The following REC114 variants were observed in gnomAD, a reference collection of about 807,000 sequenced individuals.
REC114 encodes REC114 meiotic recombination protein.
Under a neutral mutation model 31.3 loss-of-function variants are expected in REC114, and 27 were observed. The ratio of observed to expected loss-of-function variants is 0.86; its 90% CI spans 0.64 to 1.19. The LOEUF (loss-of-function observed/expected upper bound fraction) is 1.19, where lower values mean the gene tolerates loss of function less well. Among genes scored for constraint, REC114 ranks in the 50% most tolerant of loss-of-function variants. REC114 has a pLI of 0.00. For synonymous variants in REC114, 134 were observed against 127.7 expected, an observed-to-expected ratio of 1.05 and a Z score of -0.33; for missense variants, 344 against 326.9, an observed-to-expected ratio of 1.05 and a Z score of -0.40.
intron 3 of REC114, among the ~76,000 whole-genome samples, chr15:73,546,598 C>A (rs545236757): frequency 1.1e-4 from 16 of 151,922 alleles, no homozygotes; most frequent in African/African-American, 2.9e-4. Flanking sequence ...TATACACACA[C>A]AATATATATA....
intron 2 of REC114, among the ~76,000 whole-genome samples, chr15:73,513,429 CCTT>C (rs1439509425): frequency 7.0e-4 from 104 of 148,540 alleles, no homozygotes; most frequent in African/African-American, 2.0e-3. Context: ...TCGTCTGAAG[CCTT>C]CTTCTCTCAG....
Position 73,551,032 on chromosome 15 carries a change from A to G in REC114, c.428A>G (p.Tyr143Cys). 1 of 1,613,902 alleles carries G rather than the reference A, an allele frequency of 6.2e-7. No homozygotes were observed. Among genetic ancestry groups the G allele is most frequent in the Non-Finnish European group, 8.5e-7 (1 of 1,179,848 alleles). ...CCSCVQKLAQ[Y>C]ITVQVPDGNI... Reference sequence around the variant, plus strand: ...AGTTGTGTTCAGAAGCTGGCACAATACATAACCGTGCAGGTGCCTGATGGA... The same window carrying G: ...AGTTGTGTTCAGAAGCTGGCACAATGCATAACCGTGCAGGTGCCTGATGGA... Residue 143 changes from tyrosine (Y) to cysteine (C), a missense_variant, in exon 4 of 6, where the codon TAC becomes TGC. Physicochemically the swap from Tyr to Cys is radical, Grantham distance 194. Transcript: ENST00000331090.
rs531401146 is a variant in REC114 at position 73,449,005 on chromosome 15, A to C, written c.159+5661A>C. Among the ~76,000 whole-genome samples the C allele has an allele frequency of 2.6e-5, 4 of 152,346 alleles. No homozygotes were observed. In the East Asian group the frequency reaches 7.7e-4, roughly 29 times the overall value. On this transcript the variant is annotated intron_variant, in intron 1 of 5. Transcript: ENST00000331090. ...CCCACCCAAAGGTCACCAACATCAAAGACCGAAGATAGATAAATCCACGAA... is the reference window on the plus strand; with the variant it reads ...CCCACCCAAAGGTCACCAACATCAACGACCGAAGATAGATAAATCCACGAA...
chr15:73,540,641 C>G, intron 3 of REC114, 73 bp downstream of exon 3: 1 of 1,282,802 alleles, frequency 7.8e-7, no homozygotes, highest in South Asian at 1.2e-5. Flanking sequence ...TTGGGGGCAT[C>G]TCTTGGTAGG....
intron 1 of REC114, among the ~76,000 whole-genome samples, chr15:73,468,306 T>C (rs1893088558): frequency 6.6e-6 from 1 of 152,190 alleles, no homozygotes. Context: ...GGTCTTCTTT[T>C]GTCATATTTA....
intron 2 of REC114, among the ~76,000 whole-genome samples, chr15:73,520,471 C>T (rs1384500407): frequency 6.6e-6 from 1 of 152,152 alleles, no homozygotes; most frequent in South Asian, 2.1e-4. Flanking sequence ...CCTTGTGATC[C>T]ACCCACCTTG....
chr15:73,526,286 A>G (rs1477601592), intron 2 of REC114, among the ~76,000 whole-genome samples: 1 of 152,144 alleles, frequency 6.6e-6, no homozygotes, highest in Non-Finnish European at 1.5e-5. Flanking sequence ...ACCTCTTTTC[A>G]GGGTTTAGAC....
At chr15:73,493,303 G>A (rs989804463) in intron 2 of REC114, among the ~76,000 whole-genome samples, 1 of 152,026 alleles carries the variant, frequency 6.6e-6, no homozygotes, top group African/African-American at 2.4e-5. Flanking sequence ...ATCTCTGACT[G>A]TTGCTTATTA....
chr15:73,489,433 T>C (rs943573886), intron 2 of REC114, among the ~76,000 whole-genome samples: 1 of 151,926 alleles, frequency 6.6e-6, no homozygotes, highest in Non-Finnish European at 1.5e-5. Flanking sequence ...CTTGAACTCC[T>C]GACCTCAAGT....
At chr15:73,467,972 A>G (rs1218460758) in intron 1 of REC114, among the ~76,000 whole-genome samples, 2 of 151,974 alleles carry the variant, frequency 1.3e-5, no homozygotes, top group African/African-American at 4.8e-5. Flanking sequence ...TCCATCCTCA[A>G]TGCCAGCAAT....
At chr15:73,479,089 C>T (rs968753948) in intron 2 of REC114, among the ~76,000 whole-genome samples, 1 of 152,020 alleles carries the variant, frequency 6.6e-6, no homozygotes, top group African/African-American at 2.4e-5. Flanking sequence ...ATGTCCTTTT[C>T]AATGTTGAAT....
At chr15:73,459,056 T>C (rs940377663) in intron 1 of REC114, among the ~76,000 whole-genome samples, 4 of 152,304 alleles carry the variant, frequency 2.6e-5, no homozygotes, top group African/African-American at 7.2e-5. Flanking sequence ...TGTTAATACC[T>C]AGAACACTGC....
intron 1 of REC114, among the ~76,000 whole-genome samples, chr15:73,449,903 T>C (rs1595858231): frequency 6.6e-6 from 1 of 152,104 alleles, no homozygotes; most frequent in Non-Finnish European, 1.5e-5. Context: ...AAACTAAGCT[T>C]CATAAGCAAA....
At chr15:73,542,934 T>C (rs1894259110) in intron 3 of REC114, among the ~76,000 whole-genome samples, 1 of 147,716 alleles carries the variant, frequency 6.8e-6, no homozygotes, top group South Asian at 2.2e-4. Context: ...ATAGAAGTCC[T>C]AGAAGTATAC....
At chr15:73,496,033 CTT>C (rs1893517730) in intron 2 of REC114, among the ~76,000 whole-genome samples, 1 of 151,898 alleles carries the variant, frequency 6.6e-6, no homozygotes, top group Non-Finnish European at 1.5e-5. Context: ...TTTATTTAAA[CTT>C]TTTATTTAGA....
rs1892723819 is a variant in REC114 at position 73,443,356 on chromosome 15, A to G, written c.159+12A>G. ...GCCCCACATGGAAGGTGAGGCCCGAAGGCAGGAATATCCCTGAGGTGCCCA... is the reference window on the plus strand; with the variant it reads ...GCCCCACATGGAAGGTGAGGCCCGAGGGCAGGAATATCCCTGAGGTGCCCA... On this transcript the variant is annotated intron_variant, in intron 1 of 5. Transcript: ENST00000331090. 1 of 1,559,506 alleles carries G rather than the reference A, an allele frequency of 6.4e-7. No homozygotes were observed. The highest frequency in any genetic ancestry group is 1.4e-5 in the African/African-American group (1 of 73,562).
In REC114 at chr15:73,540,694, T is replaced by A. The variant is rs1566948240; in HGVS notation, c.333+126T>A. ...AATACAAATGTTTAAGAAAGGTTTG[T>A]ACTATGAGAAAAACATGAAACAAGG... On this transcript the variant is annotated intron_variant, in intron 3 of 5. Coordinates refer to ENST00000331090, the MANE Select transcript of REC114 (RefSeq NM_001042367.2). 5 of 819,228 alleles carry A rather than the reference T, an allele frequency of 6.1e-6. No individual in the cohort carries two copies. The East Asian group carries it at 1.2e-4, about 20-fold the overall frequency. 50.7% of individuals were successfully genotyped at this position (819,228 alleles called of 1,614,324 possible). A position where few individuals can be genotyped will look rare whatever the true frequency, so the allele number is the denominator to read the frequency against.
chr15:73,541,079 T>C (rs747719562), intron 3 of REC114, among the ~76,000 whole-genome samples: 42 of 152,318 alleles, frequency 2.8e-4, no homozygotes, highest in Non-Finnish European at 4.4e-4. Flanking sequence ...TTAACATTCA[T>C]GGAGTAGATA....
intron 2 of REC114, among the ~76,000 whole-genome samples, chr15:73,501,697 A>G (rs1893606251): frequency 6.6e-6 from 1 of 152,112 alleles, no homozygotes; most frequent in South Asian, 2.1e-4. Context: ...CACTCACCTC[A>G]GTCTCCCAAA....
Sources: gnomAD v4.1 joint callset for allele counts (sites outside exome capture counted in the v4.1 genomes callset) on GRCh38, gnomAD v4.1.1 for gene constraint, MANE v1.5 for transcripts, NCBI Gene and HGNC (gene_info 2026-07-23, HGNC 2026-07-21) for gene names.